Variants in TXNDC11 observed in about 807,000 individuals in gnomAD.
The protein encoded by TXNDC11 is thioredoxin domain containing 11.
TXNDC11 carries 68 observed loss-of-function variants against 78.0 expected under a neutral mutation model. That is an observed-to-expected ratio of 0.87 (90% CI 0.72 to 1.07). The LOEUF is 1.07. TXNDC11 is among the 50% of genes least tolerant of loss of function. The pLI is 0.00. For missense variants in TXNDC11, 1,389 were observed against 1,221.8 expected (o/e 1.14, Z -2.04); for synonymous variants, 571 against 495.2 (o/e 1.15, Z -2.03).
intron 7 of TXNDC11, 143 bp downstream of exon 7, chr16:11,697,982 C>T: frequency 1.3e-6 from 1 of 768,636 alleles, no homozygotes; most frequent in South Asian, 1.7e-5. Context: ...TATGGAGGGG[C>T]AAAGAGCAAT....
intron 5 of TXNDC11, among the ~76,000 whole-genome samples, chr16:11,711,169 C>CAT (rs140932877): frequency 0.069 from 10,425 of 152,116 alleles, 473 homozygotes; most frequent in South Asian, 0.18. Context: ...AGGGAATCAC[C>CAT]ATATCATATC....
At chr16:11,707,506 T>C (rs1238857926) in intron 5 of TXNDC11, among the ~76,000 whole-genome samples, 2 of 151,924 alleles carry the variant, frequency 1.3e-5, no homozygotes, top group East Asian at 1.9e-4. Context: ...TGCAGTAAAG[T>C]GGCCCAATCT....
At chr16:11,724,656 G>A (rs967306370) in intron 4 of TXNDC11, among the ~76,000 whole-genome samples, 5 of 152,204 alleles carry the variant, frequency 3.3e-5, no homozygotes, top group South Asian at 2.1e-4. Flanking sequence ...CACAGTAATC[G>A]ACTTCATTTT....
intron 11 of TXNDC11, among the ~76,000 whole-genome samples, chr16:11,680,440 T>TATGA (rs1164161767): frequency 6.6e-6 from 1 of 152,214 alleles, no homozygotes; most frequent in Non-Finnish European, 1.5e-5. Context: ...ACCAAAGGAC[T>TATGA]ATGAATTCAG....
Position 11,736,043 on chromosome 16 carries a change from G to C in TXNDC11, c.445C>G (p.Gln149Glu). ...QSIAARAEIEQAASRLSDQVL... is the reference protein window; with the variant it reads ...QSIAARAEIEEAASRLSDQVL... ...TGATCTGAAAGCCGACTTGCTGCTT[G>C]CTCAATTTCTGCCCTGGCAGCGATG... Residue 149 changes from glutamine to glutamate, a missense_variant, in exon 2 of 12, where the codon CAA (glutamine) becomes GAA (glutamate). By Grantham distance (29) the Gln-to-Glu change is conservative. Transcript: ENST00000283033. 1.2e-6 allele frequency: 2 copies of C among 1,614,090 alleles called. No homozygotes were observed.
At chr16:11,693,755 G>GTT (rs2050782031) in intron 7 of TXNDC11, among the ~76,000 whole-genome samples, 1 of 152,110 alleles carries the variant, frequency 6.6e-6, no homozygotes, top group Non-Finnish European at 1.5e-5. Context: ...CATCTCAGTG[G>GTT]TTTTTGGATG....
intron 5 of TXNDC11, among the ~76,000 whole-genome samples, chr16:11,720,745 T>G (rs1018833695): frequency 1.3e-5 from 2 of 151,376 alleles, no homozygotes; most frequent in Admixed American, 1.3e-4. Context: ...ATATGGTTTT[T>G]TTTTTTGAGA....
intron 3 of TXNDC11, among the ~76,000 whole-genome samples, chr16:11,731,646 A>C (rs2141113435): frequency 6.6e-6 from 1 of 152,112 alleles, no homozygotes. Flanking sequence ...GAATTTTATA[A>C]AGGCTGTGAT....
chr16:11,736,064 C>A lies in TXNDC11; in HGVS notation c.424G>T (p.Ala142Ser). 1 of 1,614,126 alleles carries A rather than the reference C, an allele frequency of 6.2e-7. No individual in the cohort carries two copies. The change falls in exon 2 of 12, where the codon GCT becomes TCT. Residue 142 changes from alanine (A) to serine (S), a missense_variant. Coordinates refer to ENST00000283033, the MANE Select transcript of TXNDC11 (RefSeq NM_015914.7). ...GCTTGCTCAATTTCTGCCCTGGCAGCGATGGACTGTCCACACCAAGGGGCA... is the reference window on the plus strand; with the variant it reads ...GCTTGCTCAATTTCTGCCCTGGCAGAGATGGACTGTCCACACCAAGGGGCA... ...FYAPWCGQSI[A>S]ARAEIEQAAS...
chr16:11,694,161 G>T (rs1431981896), intron 7 of TXNDC11, among the ~76,000 whole-genome samples: 1 of 142,298 alleles, frequency 7.0e-6, no homozygotes, highest in Admixed American at 7.4e-5. Flanking sequence ...CCAGGCCGGA[G>T]TACAATGGCA....
At chr16:11,728,891 C>T (rs2051961182) in intron 4 of TXNDC11, among the ~76,000 whole-genome samples, 1 of 151,872 alleles carries the variant, frequency 6.6e-6, no homozygotes, top group South Asian at 2.1e-4. Flanking sequence ...ATCCCAGCTA[C>T]TTAGGAGGCT....
chr16:11,679,237 G>T lies in TXNDC11; in HGVS notation c.2835C>A (p.Ala945=). Residue 945 remains alanine, a synonymous_variant, in exon 12 of 12, where the codon GCC becomes GCA. Coordinates refer to ENST00000283033, the MANE Select transcript of TXNDC11 (RefSeq NM_015914.7). This position sits in a 1 kb window ranked among gnomAD's most constrained non-coding sequence, Gnocchi z 4.6. ...GSSPPPANVS[A]TLVSERNKEN... ...CCTTATTCCTTTCAGACACCAGTGTGGCGCTGACATTGGCAGGTGGAGGGG... is the reference window on the plus strand; with the variant it reads ...CCTTATTCCTTTCAGACACCAGTGTTGCGCTGACATTGGCAGGTGGAGGGG... The T allele has an allele frequency of 6.2e-7, 1 of 1,613,692 alleles. No individual in the cohort carries two copies. The highest frequency in any genetic ancestry group is 1.1e-5 in the South Asian group (1 of 91,078).
At chr16:11,727,032 G>A (rs148241045) in intron 4 of TXNDC11, among the ~76,000 whole-genome samples, 2,786 of 152,144 alleles carry the variant, frequency 0.018, 42 homozygotes, top group Middle Eastern at 0.048. Flanking sequence ...CAGCCTGGGA[G>A]ACAGAGCGAG....
intron 4 of TXNDC11, among the ~76,000 whole-genome samples, chr16:11,726,369 T>A (rs2051877682): frequency 6.6e-6 from 1 of 151,980 alleles, no homozygotes; most frequent in Admixed American, 6.6e-5. Context: ...GATCACGAGG[T>A]CAAGAGATAG....
At position 11,730,717 on chromosome 16, in the gene TXNDC11, G is replaced by A. The variant is rs778841808; in HGVS notation, c.627C>T (p.Val209=). ...AGAGAAGTGGTTTCATCACCCGGCG[G>A]ACAAACTTCTCAATGTAAACAGCAC... ...PMSAVYIEKF[V]RRVMKPLLYI... The change falls in exon 4 of 12, where the codon GTC becomes GTT. Residue 209 remains valine (V), a synonymous_variant. Coordinates refer to ENST00000283033, the MANE Select transcript of TXNDC11 (RefSeq NM_015914.7). 3 of 1,613,590 alleles carry A rather than the reference G, an allele frequency of 1.9e-6. No individual in the cohort carries two copies. Among genetic ancestry groups the A allele is most frequent in the East Asian group, 4.5e-5 (2 of 44,874 alleles).
Position 11,722,986 on chromosome 16 carries a change from G to A in TXNDC11, c.700-1316C>T, listed in dbSNP as rs574994288. On this transcript the variant is annotated intron_variant, in intron 4 of 11. Coordinates refer to ENST00000283033, the MANE Select transcript of TXNDC11 (RefSeq NM_015914.7). ...AAACTTAACATCTAGGCTGGGTGCA[G>A]TAGCTCACACTTGTAATCGCAGCAC... Among the ~76,000 whole-genome samples, 73 of 152,338 alleles carry A rather than the reference G, an allele frequency of 4.8e-4. 1 individual carries two copies. The highest frequency in any genetic ancestry group is 4.6e-3 in the South Asian group (22 of 4,832).
At chr16:11,690,981 C>T (rs2050698708) in intron 8 of TXNDC11, 3 of 364,044 alleles carry the variant, frequency 8.2e-6, no homozygotes, top group African/African-American at 4.3e-5. Flanking sequence ...CCCAAGTCCC[C>T]ACTGCCTGCA....
At chr16:11,705,420 G>C (rs984299267) in intron 5 of TXNDC11, among the ~76,000 whole-genome samples, 1 of 152,210 alleles carries the variant, frequency 6.6e-6, no homozygotes, top group Non-Finnish European at 1.5e-5. Flanking sequence ...ACAGACCAAA[G>C]AGAGGACGTG....
chr16:11,735,614 G>A (rs2052196073), intron 2 of TXNDC11, among the ~76,000 whole-genome samples: 1 of 152,034 alleles, frequency 6.6e-6, no homozygotes, highest in Non-Finnish European at 1.5e-5. Context: ...TATAGTTCTG[G>A]TCCATATATT....
Sources: gnomAD v4.1 joint callset for allele counts (sites outside exome capture counted in the v4.1 genomes callset) on GRCh38, gnomAD v4.1.1 for gene constraint, Gnocchi (gnomAD v3.1) non-coding constraint, MANE v1.5 for transcripts, NCBI Gene and HGNC (gene_info 2026-07-23, HGNC 2026-07-21) for gene names.